Variants in POTEE observed in about 807,000 individuals in gnomAD.
The protein encoded by POTEE is ANKRD26-like family C member 1A.
A neutral mutation model predicts 74.2 loss-of-function variants in POTEE; 21 were observed. The ratio of observed to expected loss-of-function variants is 0.28; its 90% CI spans 0.20 to 0.41. POTEE has a LOEUF of 0.41. Among genes scored for constraint, POTEE ranks in the 10% least tolerant of loss-of-function variants. The probability of loss-of-function intolerance (pLI) is 1.00; values close to 1 mark genes in which losing one functional copy is unlikely to be tolerated. For synonymous variants in POTEE, 211 were observed against 432.8 expected, an observed-to-expected ratio of 0.49 and a Z score of 6.36; for missense variants, 525 against 1,158.6, an observed-to-expected ratio of 0.45 and a Z score of 7.94.
In POTEE at chr2:131,260,411, G is replaced by C. The variant is rs1392786920; in HGVS notation, c.1779-1315G>C. ...TGTGTAGACTGCTTTGGGCACTATG[G>C]TCATTTTCACTATATCAGTTCTTTC... is the stretch of plus-strand genomic sequence containing the variant. On this transcript the variant is annotated intron_variant, in intron 16 of 17. Coordinates refer to ENST00000683005, the MANE Select transcript of POTEE (RefSeq NM_001083538.3). Among the ~76,000 whole-genome samples, 2 of 120,296 alleles carry C rather than the reference G, an allele frequency of 1.7e-5. 1 individual carries two copies. Among genetic ancestry groups the C allele is most frequent in the African/African-American group, 6.6e-5 (2 of 30,268 alleles). 78.9% of individuals were successfully genotyped at this position (120,296 alleles called of 152,430 possible).
At chr2:131,217,826 C>T (rs1453261137) in intron 3 of POTEE, among the ~76,000 whole-genome samples, 143 bp downstream of exon 3, 1 of 150,706 alleles carries the variant, frequency 6.6e-6, no homozygotes, top group Non-Finnish European at 1.5e-5. Flanking sequence ...TAACGGCTTG[C>T]ACGCGCACGC....
chr2:131,225,316 G>A (rs1700747565), intron 6 of POTEE, among the ~76,000 whole-genome samples: 1 of 152,086 alleles, frequency 6.6e-6, no homozygotes, highest in African/African-American at 2.4e-5. Context: ...GGCTGAGGTG[G>A]GAGGATTGCT....
rs1559167916 is a variant in POTEE, at chr2:131,218,462, C to T, written c.60C>T (p.Leu20=). 6.2e-7 allele frequency: 1 copy of T among 1,613,214 alleles called. No individual in the cohort carries two copies. Among genetic ancestry groups the T allele is most frequent in the Admixed American group, 1.7e-5 (1 of 59,992 alleles). The change falls in exon 4 of 18, where the codon CTC becomes CTT. Residue 20 remains leucine, a synonymous_variant. Coordinates refer to ENST00000683005, the MANE Select transcript of POTEE (RefSeq NM_001083538.3). ...AASSVKKPFG[L]RSKMGKWCCR... ...CTTCTGTGAAGAAGCCATTTGGTCTCAGGAGCAAGATGGGCAAGTGGTGCT... is the reference window on the plus strand; with the variant it reads ...CTTCTGTGAAGAAGCCATTTGGTCTTAGGAGCAAGATGGGCAAGTGGTGCT...
chr2:131,215,365 C>T (rs1341132334), intron 2 of POTEE, among the ~76,000 whole-genome samples: 1 of 152,094 alleles, frequency 6.6e-6, no homozygotes, highest in African/African-American at 2.4e-5. Context: ...ATCATATTTA[C>T]TTGTTGGCTT....
At chr2:131,222,096 G>A (rs1356569354) in intron 4 of POTEE, among the ~76,000 whole-genome samples, 2 of 152,238 alleles carry the variant, frequency 1.3e-5, no homozygotes, top group Admixed American at 1.3e-4. Flanking sequence ...AAGCATTTCT[G>A]AAGGTAGAAA....
chr2:131,260,790 A>ACT, intron 16 of POTEE, among the ~76,000 whole-genome samples: 1 of 55,988 alleles, frequency 1.8e-5, no homozygotes, highest in South Asian at 9.2e-4. Flanking sequence ...CTCTTTTCCA[A>ACT]TTGGGATGCC....
At position 131,234,025 on chromosome 2, in the gene POTEE, G is replaced by A. The variant is rs538750781; in HGVS notation, c.1127-2707G>A. On this transcript the variant is annotated intron_variant, in intron 9 of 17. Transcript: ENST00000683005. The stretch of plus-strand genomic sequence containing the variant: ...ATTGGATAACCAGCATTTATAACTC[G>A]CATCCTACTAGTTTGACTCTCACTA... Among the ~76,000 whole-genome samples the A allele has an allele frequency of 4.6e-5, 7 of 151,224 alleles. No homozygotes were observed. In the East Asian group the frequency reaches 1.2e-3, roughly 25 times the overall value.
chr2:131,223,639 G>A lies in POTEE; in HGVS notation c.565G>A (p.Val189Ile), dbSNP rs1700692672. The A allele has an allele frequency of 6.2e-7, 1 of 1,612,208 alleles. No individual in the cohort carries two copies. Among genetic ancestry groups the A allele is most frequent in the African/African-American group, 1.3e-5 (1 of 74,248 alleles). ...CTCTGCCAATGGGAATTCAGAAGTA[G>A]TAAAACTCCTGCTGGACAGACGATG... ...LASANGNSEV[V>I]KLLLDRRCQL... Residue 189 changes from valine to isoleucine, a missense_variant, in exon 5 of 18, where the codon GTA (valine) becomes ATA (isoleucine). Val to Ile is a conservative substitution (Grantham distance 29, BLOSUM62 3). Transcript: ENST00000683005.
intron 4 of POTEE, among the ~76,000 whole-genome samples, chr2:131,221,097 G>C (rs939339615): frequency 6.6e-6 from 1 of 152,110 alleles, no homozygotes; most frequent in African/African-American, 2.4e-5. Context: ...ACACTTTAGT[G>C]GTAAGAACCA....
chr2:131,212,670 G>A (rs1700383208), intron 2 of POTEE, among the ~76,000 whole-genome samples: 1 of 149,010 alleles, frequency 6.7e-6, no homozygotes, highest in Non-Finnish European at 1.5e-5. Context: ...GTTCAAGCAA[G>A]TCTCCTGCCT....
rs1428587641 is a variant in POTEE, at chr2:131,237,652, T to G, written c.1198-542T>G. On this transcript the variant is annotated intron_variant, in intron 10 of 17. Transcript: ENST00000683005. The stretch of plus-strand genomic sequence containing the variant: ...ACAGTATATAATCTCAATTAAAATT[T>G]GAGAATTTGCATCTCTTTCTGTTTG... Among the ~76,000 whole-genome samples the G allele has an allele frequency of 9.6e-3, 1,428 of 148,426 alleles. 1 individual carries two copies. The highest frequency in any genetic ancestry group is 0.024 in the African/African-American group (950 of 40,252).
intron 16 of POTEE, among the ~76,000 whole-genome samples, chr2:131,254,799 T>A: frequency 7.5e-6 from 1 of 133,942 alleles, no homozygotes; most frequent in Non-Finnish European, 1.6e-5. Context: ...TCCCACTTTA[T>A]TCCTGTTAAT....
intron 2 of POTEE, among the ~76,000 whole-genome samples, chr2:131,216,291 G>T (rs530928326): frequency 6.6e-6 from 1 of 152,214 alleles, no homozygotes; most frequent in African/African-American, 2.4e-5. Flanking sequence ...AAATGCAACC[G>T]CTGTCAAATT....
chr2:131,263,909 G>T lies in POTEE; in HGVS notation c.2454G>T (p.Lys818Asn). The change falls in exon 18 of 18, where the codon AAG (lysine) becomes AAT (asparagine). Residue 818 changes from lysine (K) to asparagine (N), a missense_variant. Physicochemically the swap from Lys to Asn is moderately conservative, Grantham distance 94. Coordinates refer to ENST00000683005, the MANE Select transcript of POTEE (RefSeq NM_001083538.3). ...TGAACCCCAAGGCCAACCGCGAGAA[G>T]ATGACCCAGATCATGTTTGAGACCT... Reference protein sequence around the residue: ...APLNPKANREKMTQIMFETFN... With the variant: ...APLNPKANRENMTQIMFETFN... 6.2e-7 allele frequency: 1 copy of T among 1,614,194 alleles called. No individual in the cohort carries two copies.
chr2:131,229,099 C>G (rs953952956), intron 8 of POTEE, among the ~76,000 whole-genome samples: 77 of 151,412 alleles, frequency 5.1e-4, no homozygotes, highest in African/African-American at 1.6e-3. Context: ...CACAAAGTGA[C>G]CAAATTGACC....
intron 4 of POTEE, among the ~76,000 whole-genome samples, chr2:131,222,895 TATAAC>T (rs1700667156): frequency 6.6e-6 from 1 of 151,922 alleles, no homozygotes; most frequent in Non-Finnish European, 1.5e-5. Flanking sequence ...CCGGACCTGT[TATAAC>T]ATATTCTACT....
chr2:131,231,809 C>T (rs1310220042), intron 9 of POTEE, among the ~76,000 whole-genome samples: 1 of 152,122 alleles, frequency 6.6e-6, no homozygotes, highest in African/African-American at 2.4e-5. Context: ...AACAAAAACG[C>T]TAGTATGCTA....
intron 8 of POTEE, chr2:131,229,609 G>A (rs2105088066): frequency 6.6e-6 from 1 of 152,326 alleles, no homozygotes; most frequent in East Asian, 1.9e-4. Flanking sequence ...AGGGCTTTGT[G>A]CTTGCTTCGG....
At position 131,209,787 on chromosome 2, in the gene POTEE, C is replaced by G. The variant is rs1287768407; in HGVS notation, c.-377C>G. Among the ~76,000 whole-genome samples the G allele has an allele frequency of 2.0e-5, 3 of 152,188 alleles. No homozygotes were observed. Among genetic ancestry groups the G allele is most frequent in the Non-Finnish European group, 2.9e-5 (2 of 68,028 alleles). ...TTGGTGGTGACGTGGGACACTGCAG[C>G]TCGGCCAGAGTGGTAGAAATGTCCT... On this transcript the variant is annotated 5_prime_UTR_variant, in exon 1 of 18. Coordinates refer to ENST00000683005, the MANE Select transcript of POTEE (RefSeq NM_001083538.3).
Sources: allele counts gnomAD v4.1 joint callset (sites outside exome capture counted in the v4.1 genomes callset), GRCh38; gene constraint gnomAD v4.1.1; transcripts MANE v1.5; gene names NCBI Gene and HGNC (gene_info 2026-07-23, HGNC 2026-07-21).